The following SHROOM2 variants were observed in gnomAD, a reference collection of about 807,000 sequenced individuals.
The protein encoded by SHROOM2 is protein Shroom2.
SHROOM2 carries 33 observed loss-of-function variants against 75.9 expected under a neutral mutation model. That is an observed-to-expected ratio of 0.43 (90% confidence interval 0.33 to 0.58). SHROOM2 has a LOEUF of 0.58. Ranked by LOEUF, SHROOM2 falls within the 20% of genes least tolerant of loss-of-function variation. The pLI is 0.04. For synonymous variants in SHROOM2, 655 were observed against 663.6 expected (o/e 0.99, Z 0.20); for missense variants, 1,434 against 1,461.2 (o/e 0.98, Z 0.30).
chrX:9,914,904 T>G (rs1445645368), intron 5 of SHROOM2, among the ~76,000 whole-genome samples: 3 of 111,586 alleles, frequency 2.7e-5, no homozygotes, highest in Non-Finnish European at 5.6e-5. Context: ...GAATTCCTAG[T>G]TATTCTCTTA....
Position 9,946,868 on chromosome X carries a change from TA to T in SHROOM2, c.4786del (p.Ile1596SerfsTer8). 8.3e-7 allele frequency: 1 copy of T among 1,198,618 alleles called. No individual in the cohort carries two copies. Among genetic ancestry groups the T allele is most frequent in the Non-Finnish European group, 1.1e-6 (1 of 888,540 alleles). On this transcript the variant is annotated frameshift_variant, in exon 10 of 10. Coordinates refer to ENST00000380913, the MANE Select transcript of SHROOM2 (RefSeq NM_001649.4). LOFTEE classifies it high-confidence loss of function. The stretch of plus-strand genomic sequence containing the variant: ...TCATCGAGCAGCGGGAGCTGGAAGA[TA>T]AAATCCACCTTGGTGAAGAGCAGCT... Reference protein sequence around the residue: ...LIIEQRELEDKIHLGEEQLKC... With the variant: ...LIIEQRELEDXIHLGEEQLKC...
rs369705066 is a variant in SHROOM2 at position 9,921,308 on chromosome X, A to C, written c.2892-10867A>C. Among the ~76,000 whole-genome samples the C allele has an allele frequency of 1.7e-4, 19 of 112,287 alleles. No homozygotes were observed. The East Asian group carries it at 3.1e-3, about 18-fold the overall frequency. On this transcript the variant is annotated intron_variant, in intron 5 of 9. Coordinates refer to ENST00000380913, the MANE Select transcript of SHROOM2 (RefSeq NM_001649.4). ...CATTTTTAAACCAATTTATTGAGGT[A>C]TAATTGACATATAAAAGGCTGTACA...
chrX:9,811,600 A>T (rs1179782353), intron 1 of SHROOM2, among the ~76,000 whole-genome samples: 1 of 112,100 alleles, frequency 8.9e-6, no homozygotes, highest in African/African-American at 3.2e-5. Context: ...ATATAATCAC[A>T]CATCTGGCCA....
intron 5 of SHROOM2, among the ~76,000 whole-genome samples, chrX:9,916,011 CAT>C (rs748727300): frequency 3.2e-4 from 36 of 112,512 alleles, no homozygotes; most frequent in South Asian, 1.1e-3. Context: ...GTAAGCTTCA[CAT>C]ATGTTTTTGA....
chrX:9,852,327 G>A (rs2084045315), intron 1 of SHROOM2, among the ~76,000 whole-genome samples: 1 of 112,884 alleles, frequency 8.9e-6, no homozygotes, highest in Non-Finnish European at 1.9e-5. Context: ...GCCTTGGCAG[G>A]GGAGTGGGGA....
chrX:9,914,059 A>AACC (rs2084460536), intron 5 of SHROOM2, among the ~76,000 whole-genome samples: 1 of 48,646 alleles, frequency 2.1e-5, no homozygotes, highest in Non-Finnish European at 3.9e-5. Flanking sequence ...ACCTGCGCCC[A>AACC]CCCCCCTGCC....
In SHROOM2 at chrX:9,921,988, C is replaced by T. The variant is rs141869266; in HGVS notation, c.2892-10187C>T. On this transcript the variant is annotated intron_variant, in intron 5 of 9. Coordinates refer to ENST00000380913, the MANE Select transcript of SHROOM2 (RefSeq NM_001649.4). Reference sequence around the variant, plus strand: ...TGCTTGTTCAAAAGGAGTCAGAGTCCGGCCTACTTCTAACAAGCTCCACTT... The same window carrying T: ...TGCTTGTTCAAAAGGAGTCAGAGTCTGGCCTACTTCTAACAAGCTCCACTT... Among the ~76,000 whole-genome samples, 783 of 111,363 alleles carry T rather than the reference C, an allele frequency of 7.0e-3. 11 individuals carry two copies. Among genetic ancestry groups the T allele is most frequent in the African/African-American group, 0.024 (729 of 30,633 alleles).
intron 9 of SHROOM2, 57 bp downstream of exon 9, chrX:9,944,970 T>C (rs1351057328): frequency 1.5e-5 from 17 of 1,121,118 alleles, no homozygotes; most frequent in Non-Finnish European, 1.9e-5. Context: ...GAAGGCTGTT[T>C]TTCAAGTGTC....
chrX:9,852,247 T>C (rs2084044969), intron 1 of SHROOM2, among the ~76,000 whole-genome samples: 1 of 113,003 alleles, frequency 8.8e-6, no homozygotes, highest in South Asian at 3.6e-4. Flanking sequence ...AATGCTTTGA[T>C]TAATTGAAAC....
At chrX:9,909,224 T>G (rs971250404) in intron 5 of SHROOM2, among the ~76,000 whole-genome samples, 3 of 111,520 alleles carry the variant, frequency 2.7e-5, no homozygotes, top group Non-Finnish European at 3.8e-5. Flanking sequence ...GAACCAACAA[T>G]GACCAAAGGC....
intron 1 of SHROOM2, among the ~76,000 whole-genome samples, chrX:9,821,721 G>T (rs1215137265): frequency 1.8e-5 from 2 of 112,018 alleles, no homozygotes; most frequent in African/African-American, 6.5e-5. Flanking sequence ...TCTTGAATAT[G>T]CAAATGCTTC....
intron 1 of SHROOM2, among the ~76,000 whole-genome samples, chrX:9,787,705 A>C (rs147903656): frequency 1.6e-3 from 182 of 112,617 alleles, no homozygotes; most frequent in South Asian, 9.6e-3. Context: ...TGTTGTTCAA[A>C]TAGCAAATGA....
intron 1 of SHROOM2, among the ~76,000 whole-genome samples, chrX:9,842,795 GTC>G (rs1403982167): frequency 8.9e-6 from 1 of 111,823 alleles, no homozygotes; most frequent in Non-Finnish European, 1.9e-5. Context: ...GCCTGTGTCT[GTC>G]TGTCCCTGGC....
Position 9,932,375 on chromosome X carries a change from G to C in SHROOM2, c.3092G>C (p.Gly1031Ala). Residue 1031 changes from glycine (G) to alanine (A), a missense_variant, in exon 6 of 10, where the codon GGA becomes GCA. By Grantham distance (60) the Gly-to-Ala change is moderately conservative. Transcript: ENST00000380913. The part of the protein sequence containing the change: ...YSEESTPADL[G>A]PRAQSPGSPL... ...GAGGAGAGCACCCCAGCAGACTTGG[G>C]ACCCCGAGCCCAGAGCCCTGGCTCA... The C allele has an allele frequency of 8.3e-7, 1 of 1,209,521 alleles. No homozygotes were observed. The highest frequency in any genetic ancestry group is 1.7e-5 in the African/African-American group (1 of 57,720).
intron 1 of SHROOM2, among the ~76,000 whole-genome samples, chrX:9,807,405 C>T (rs2083760300): frequency 8.9e-6 from 1 of 112,188 alleles, no homozygotes; most frequent in Non-Finnish European, 1.9e-5. Context: ...GGGCTGTTTC[C>T]ATGAGCCTGG....
At chrX:9,909,546 G>A (rs1025742896) in intron 5 of SHROOM2, among the ~76,000 whole-genome samples, 1 of 112,025 alleles carries the variant, frequency 8.9e-6, no homozygotes. Flanking sequence ...ACTTCACCAG[G>A]CGATCAGGGC....
chrX:9,912,071 C>T (rs2084430633), intron 5 of SHROOM2, among the ~76,000 whole-genome samples: 1 of 97,225 alleles, frequency 1.0e-5, no homozygotes, highest in Non-Finnish European at 2.1e-5. Context: ...TACCACTGCA[C>T]TCCAGCCTGG....
intron 3 of SHROOM2, among the ~76,000 whole-genome samples, chrX:9,891,611 C>T (rs1443223657): frequency 9.0e-6 from 1 of 111,318 alleles, no homozygotes; most frequent in Non-Finnish European, 1.9e-5. Flanking sequence ...TTTTGGTGTG[C>T]GTGTGTGGAT....
intron 5 of SHROOM2, among the ~76,000 whole-genome samples, chrX:9,922,910 A>G (rs1357120827): frequency 7.2e-5 from 8 of 111,585 alleles, no homozygotes; most frequent in Non-Finnish European, 1.1e-4. Context: ...GTGTGTTCCA[A>G]TAACACTTCG....
Sources: allele counts gnomAD v4.1 joint callset (sites outside exome capture counted in the v4.1 genomes callset), GRCh38; gene constraint gnomAD v4.1.1; transcripts MANE v1.5; gene names NCBI Gene and HGNC (gene_info 2026-07-23, HGNC 2026-07-21).